Variants in ERC2 observed in about 807,000 individuals in gnomAD.
The protein encoded by ERC2 is ERC protein 2.
Under a neutral mutation model 114.8 loss-of-function variants are expected in ERC2, and 42 were observed. That is an observed-to-expected ratio of 0.37 (90% CI 0.29 to 0.47). The LOEUF is 0.47. Among genes scored for constraint, ERC2 ranks in the 20% least tolerant of loss-of-function variants. The pLI is 0.99. For missense variants in ERC2, 939 were observed against 1,150.7 expected, an observed-to-expected ratio of 0.82 and a Z score of 2.66; for synonymous variants, 454 against 425.5, an observed-to-expected ratio of 1.07 and a Z score of -0.82.
chr3:55,679,038 C>T (rs565825122), intron 17 of ERC2, among the ~76,000 whole-genome samples: 7 of 152,308 alleles, frequency 4.6e-5, no homozygotes, highest in African/African-American at 1.7e-4. Flanking sequence ...ACACAGCAGC[C>T]AGGGTTGTTC....
At chr3:55,693,743 T>C (rs1200355460) in intron 16 of ERC2, among the ~76,000 whole-genome samples, 2 of 151,962 alleles carry the variant, frequency 1.3e-5, no homozygotes, top group Non-Finnish European at 2.9e-5. Flanking sequence ...AGTTTCACTC[T>C]TGTTGCCCAG....
chr3:55,576,412 A>G (rs1270689275), intron 17 of ERC2, among the ~76,000 whole-genome samples: 1 of 152,226 alleles, frequency 6.6e-6, no homozygotes, highest in Non-Finnish European at 1.5e-5. Flanking sequence ...TTGATGCCCA[A>G]AATAATCCTT....
chr3:56,009,365 A>C (rs542486523), intron 9 of ERC2, among the ~76,000 whole-genome samples: 6 of 152,312 alleles, frequency 3.9e-5, no homozygotes, highest in African/African-American at 1.4e-4. Flanking sequence ...CCTTTCTAAA[A>C]AGCAAGTAGG....
intron 2 of ERC2, among the ~76,000 whole-genome samples, chr3:56,365,278 G>A (rs1244421966): frequency 1.3e-5 from 2 of 152,092 alleles, no homozygotes; most frequent in Non-Finnish European, 2.9e-5. Flanking sequence ...TCTATATTTT[G>A]ATATGTTCAG....
At chr3:56,088,527 G>C (rs2077620993) in intron 6 of ERC2, among the ~76,000 whole-genome samples, 1 of 152,034 alleles carries the variant, frequency 6.6e-6, no homozygotes, top group South Asian at 2.1e-4. Flanking sequence ...TAGAACCTTG[G>C]GGGAGTAGAC....
chr3:56,052,545 G>A (rs2149687838), intron 7 of ERC2, among the ~76,000 whole-genome samples: 1 of 152,324 alleles, frequency 6.6e-6, no homozygotes, highest in Admixed American at 6.5e-5. Context: ...AACATCTGAT[G>A]ACCCTCAGAC....
In ERC2 at chr3:56,145,284, C is replaced by T. The variant is rs561175668; in HGVS notation, c.1305+3693G>A. ...AAGGAGGAGATCTAAGACAGCAGAT[C>T]GGCATCTTTGGCAAACACTGGAAAC... On this transcript the variant is annotated intron_variant, in intron 5 of 17. Transcript: ENST00000288221. 6.9e-4 allele frequency among the ~76,000 whole-genome samples: 105 copies of T among 152,130 alleles called. 1 individual carries two copies. The highest frequency in any genetic ancestry group is 6.6e-4 in the Non-Finnish European group (45 of 67,996).
At chr3:56,206,683 AAC>A (rs1225471816) in intron 3 of ERC2, among the ~76,000 whole-genome samples, 2 of 152,132 alleles carry the variant, frequency 1.3e-5, no homozygotes, top group African/African-American at 2.4e-5. Flanking sequence ...GACCTTATAA[AAC>A]ACACACACAT....
chr3:55,962,585 C>T (rs1559940217), intron 12 of ERC2, among the ~76,000 whole-genome samples: 1 of 152,222 alleles, frequency 6.6e-6, no homozygotes, highest in South Asian at 2.1e-4. Flanking sequence ...AGCAAATGCT[C>T]ATATTACTTA....
At chr3:55,727,106 G>A (rs979937057) in intron 15 of ERC2, among the ~76,000 whole-genome samples, 1 of 152,178 alleles carries the variant, frequency 6.6e-6, no homozygotes, top group African/African-American at 2.4e-5. Flanking sequence ...CCCCTTAGTA[G>A]CAGGCAAATC....
At chr3:55,915,941 C>A (rs992156553) in intron 13 of ERC2, among the ~76,000 whole-genome samples, 3 of 152,124 alleles carry the variant, frequency 2.0e-5, no homozygotes, top group Admixed American at 2.0e-4. Flanking sequence ...AAAAAAATCA[C>A]TTAAGTCCTT....
chr3:56,065,495 G>T (rs2076429759), intron 7 of ERC2, among the ~76,000 whole-genome samples: 1 of 151,394 alleles, frequency 6.6e-6, no homozygotes. Context: ...CCAGCCTCAT[G>T]ATATTCTGAC....
rs1560057821 is a variant in ERC2 at position 56,033,005 on chromosome 3, AAGAAAGAAAGAAAGAAAAAAGAAAC to A, written c.1642-13999_1642-13975del. On this transcript the variant is annotated intron_variant, in intron 7 of 17. Coordinates refer to ENST00000288221, the MANE Select transcript of ERC2 (RefSeq NM_015576.3). ...AAAGAAAGAAAGAAAGAAAGAAAGAAAGAAAGAAAGAAAGAAAAAAGAAACAGAAAGAAAGAAAGAAAGAAAGAAA... is the reference window on the plus strand; with the variant it reads ...AAAGAAAGAAAGAAAGAAAGAAAGAAAGAAAGAAAGAAAGAAAGAAAGAAA... 1.9e-4 allele frequency among the ~76,000 whole-genome samples: 26 copies of A among 137,464 alleles called. No homozygotes were observed. The East Asian group carries it at 2.7e-3, about 14-fold the overall frequency. The allele number at this position is 137,464 out of a possible 152,430, so 90.2% of individuals were successfully genotyped here.
At chr3:55,927,130 G>T (rs2065797805) in intron 13 of ERC2, among the ~76,000 whole-genome samples, 1 of 152,088 alleles carries the variant, frequency 6.6e-6, no homozygotes, top group Non-Finnish European at 1.5e-5. Context: ...CCAGTAACTG[G>T]TTGCTTGCCC....
At chr3:56,061,127 A>G (rs1179085695) in intron 7 of ERC2, among the ~76,000 whole-genome samples, 4 of 152,226 alleles carry the variant, frequency 2.6e-5, no homozygotes, top group Non-Finnish European at 1.5e-5. Flanking sequence ...GAAAGAAGCA[A>G]GTCCAGAAAG....
chr3:56,265,948 G>A (rs1287966368), intron 3 of ERC2, among the ~76,000 whole-genome samples: 1 of 151,198 alleles, frequency 6.6e-6, no homozygotes, highest in African/African-American at 2.4e-5. Flanking sequence ...AGAATCACTT[G>A]AACCTGGGCG....
intron 3 of ERC2, among the ~76,000 whole-genome samples, chr3:56,244,760 A>G (rs2051567211): frequency 6.6e-6 from 1 of 152,214 alleles, no homozygotes; most frequent in Non-Finnish European, 1.5e-5. Context: ...CAGTGTTTGT[A>G]AAGTCTACAG....
chr3:55,988,487 T>G (rs901123769), intron 11 of ERC2, among the ~76,000 whole-genome samples: 2 of 152,212 alleles, frequency 1.3e-5, no homozygotes, highest in Non-Finnish European at 2.9e-5. Flanking sequence ...AAATGCATTG[T>G]GTAAATGCCA....
At chr3:56,383,155 C>T (rs1004043250) in intron 2 of ERC2, among the ~76,000 whole-genome samples, 12 of 152,144 alleles carry the variant, frequency 7.9e-5, no homozygotes, top group African/African-American at 2.9e-4. Flanking sequence ...ACCTCCTTCA[C>T]CTGTACTGAG....
Sources: allele counts gnomAD v4.1 joint callset (sites outside exome capture counted in the v4.1 genomes callset), GRCh38; gene constraint gnomAD v4.1.1; transcripts MANE v1.5; gene names NCBI Gene and HGNC (gene_info 2026-07-23, HGNC 2026-07-21).